BICRAL: variants seen among roughly 807,000 people sequenced by gnomAD.
BICRAL encodes the protein BICRA like chromatin remodeling complex associated protein.
In BICRAL, 8 loss-of-function variants were observed where a neutral mutation model predicts 91.8. The observed-to-expected ratio is 0.09, with a 90% CI of 0.05 to 0.16. The LOEUF (loss-of-function observed/expected upper bound fraction) is 0.16, where lower values mean the gene tolerates loss of function less well. BICRAL is among the 10% of genes least tolerant of loss of function. The pLI is 1.00. For missense variants in BICRAL, 1,038 were observed against 1,310.9 expected, an observed-to-expected ratio of 0.79 and a Z score of 3.21; for synonymous variants, 445 against 491.1, an observed-to-expected ratio of 0.91 and a Z score of 1.24.
intron 1 of BICRAL, among the ~76,000 whole-genome samples, chr6:42,775,714 G>A (rs1762799071): frequency 6.6e-6 from 1 of 152,064 alleles, no homozygotes; most frequent in Non-Finnish European, 1.5e-5. Context: ...TCCTTGTACT[G>A]AAAGCTTGTA....
Position 42,844,557 on chromosome 6 carries a change from A to AG in BICRAL, c.1840-7534dup, listed in dbSNP as rs71305781. ...AAAAAAAAAAAAAAGAGGGTGTTGC[A>AG]GAAAGAAGATCCACAGAGTGATGCA... is the stretch of plus-strand genomic sequence containing the variant. On this transcript the variant is annotated intron_variant, in intron 6 of 12. Coordinates refer to ENST00000314073, the MANE Select transcript of BICRAL (RefSeq NM_001393499.1). Among the ~76,000 whole-genome samples, 4 of 80,412 alleles carry AG rather than the reference A, an allele frequency of 5.0e-5. 1 individual carries two copies. Among genetic ancestry groups the AG allele is most frequent in the African/African-American group, 1.5e-4 (4 of 25,976 alleles). The allele number at this position is 80,412 out of a possible 152,430, so 52.8% of individuals were successfully genotyped here.
chr6:42,815,807 G>T (rs1274384761), intron 2 of BICRAL, among the ~76,000 whole-genome samples: 1 of 150,910 alleles, frequency 6.6e-6, no homozygotes, highest in East Asian at 2.0e-4. Flanking sequence ...GACCAACGTG[G>T]AGAAACCCTG....
chr6:42,752,466 T>C (rs1228896988), intron 1 of BICRAL, among the ~76,000 whole-genome samples: 1 of 152,192 alleles, frequency 6.6e-6, no homozygotes, highest in East Asian at 1.9e-4. Context: ...CTTTGCTTGC[T>C]GAGACTGGGT....
chr6:42,796,426 A>C (rs1763414991), intron 1 of BICRAL, among the ~76,000 whole-genome samples: 1 of 152,210 alleles, frequency 6.6e-6, no homozygotes. Context: ...TAGAATCAAA[A>C]GGGATCAGAG....
At chr6:42,828,199 G>A (rs185379330) in intron 5 of BICRAL, among the ~76,000 whole-genome samples, 52 of 151,960 alleles carry the variant, frequency 3.4e-4, no homozygotes, top group African/African-American at 1.1e-3. Context: ...AGATCATGAG[G>A]TCAGGAGATT....
intron 6 of BICRAL, among the ~76,000 whole-genome samples, chr6:42,834,037 A>G (rs546686620): frequency 6.6e-5 from 10 of 151,846 alleles, no homozygotes; most frequent in Non-Finnish European, 1.5e-4. Context: ...TATTTTTGGT[A>G]GAGACGTGGT....
intron 1 of BICRAL, among the ~76,000 whole-genome samples, chr6:42,807,568 C>CT (rs1562471477): frequency 6.6e-6 from 1 of 151,286 alleles, no homozygotes; most frequent in African/African-American, 2.4e-5. Context: ...GATACAGATT[C>CT]TTTTTTTAAA....
chr6:42,779,223 A>AACACAC (rs57493144), upstream of BICRAL, among the ~76,000 whole-genome samples: 1,207 of 132,498 alleles, frequency 9.1e-3, 5 homozygotes, highest in Middle Eastern at 0.025. Flanking sequence ...TCTCAAGAAA[A>AACACAC]ACACACACAC....
upstream of BICRAL, among the ~76,000 whole-genome samples, chr6:42,777,791 A>G (rs551419930): frequency 9.7e-4 from 147 of 152,000 alleles, no homozygotes; most frequent in Admixed American, 4.5e-3. Flanking sequence ...CTTTTTTTTT[A>G]CTGTCCAGTT....
intron 6 of BICRAL, among the ~76,000 whole-genome samples, chr6:42,845,829 C>T (rs1256705086): frequency 6.6e-6 from 1 of 150,948 alleles, no homozygotes; most frequent in African/African-American, 2.4e-5. Context: ...TTTGGGAGGC[C>T]GAGGTGGGTG....
intron 1 of BICRAL, among the ~76,000 whole-genome samples, chr6:42,786,319 C>G (rs1414291984): frequency 6.6e-6 from 1 of 152,154 alleles, no homozygotes; most frequent in Non-Finnish European, 1.5e-5. Context: ...TGTTGGATAC[C>G]TCTGTGCAGT....
At chr6:42,784,625 A>G (rs1018065019) in intron 1 of BICRAL, among the ~76,000 whole-genome samples, 1 of 152,256 alleles carries the variant, frequency 6.6e-6, no homozygotes, top group African/African-American at 2.4e-5. Context: ...ACTAACGTTC[A>G]TAGAAGTATA....
rs149667095 is a variant in BICRAL, at chr6:42,837,418, A to C, written c.1839+7246A>C. On this transcript the variant is annotated intron_variant, in intron 6 of 12. Transcript: ENST00000314073. ...AACTATGTTTTTAAATATAAATATAATATTGTTTTTAATATAGATAATACA... is the reference window on the plus strand; with the variant it reads ...AACTATGTTTTTAAATATAAATATACTATTGTTTTTAATATAGATAATACA... Among the ~76,000 whole-genome samples, 10 of 152,102 alleles carry C rather than the reference A, an allele frequency of 6.6e-5. No homozygotes were observed. The East Asian group carries it at 1.7e-3, about 26-fold the overall frequency.
intron 12 of BICRAL, among the ~76,000 whole-genome samples, chr6:42,864,009 C>A (rs1489981040): frequency 1.3e-5 from 2 of 151,682 alleles, no homozygotes; most frequent in African/African-American, 4.8e-5. Flanking sequence ...ACTAAAAATA[C>A]AAAAAAAATT....
chr6:42,749,680 AAAT>A (rs569375198), intron 1 of BICRAL, among the ~76,000 whole-genome samples: 121 of 152,246 alleles, frequency 7.9e-4, no homozygotes, highest in African/African-American at 2.4e-3. Context: ...ATATCAATAA[AAAT>A]AATAATAACT....
chr6:42,820,450 G>C (rs1764106127), intron 2 of BICRAL, among the ~76,000 whole-genome samples: 2 of 152,134 alleles, frequency 1.3e-5, no homozygotes, highest in Non-Finnish European at 2.9e-5. Flanking sequence ...ATGGTATGCT[G>C]ATGAGCCATG....
intron 10 of BICRAL, among the ~76,000 whole-genome samples, chr6:42,858,532 A>G (rs191408319): frequency 0.012 from 1,659 of 144,138 alleles, 23 homozygotes; most frequent in African/African-American, 0.04. Flanking sequence ...AAAAAAAAAA[A>G]AAAGGCTGGG....
chr6:42,862,779 T>A (rs1765593884), intron 12 of BICRAL, among the ~76,000 whole-genome samples, 167 bp downstream of exon 12: 1 of 152,176 alleles, frequency 6.6e-6, no homozygotes, highest in Admixed American at 6.6e-5. Flanking sequence ...TCTACTTCCT[T>A]CTCCTCTTTG....
chr6:42,781,533 G>T (rs1315659688), upstream of BICRAL, among the ~76,000 whole-genome samples: 1 of 83,660 alleles, frequency 1.2e-5, no homozygotes. Context: ...ATCTTGTAGG[G>T]TTTTTTTTTT....
Sources: allele counts gnomAD v4.1 joint callset (sites outside exome capture counted in the v4.1 genomes callset), GRCh38; gene constraint gnomAD v4.1.1; transcripts MANE v1.5; gene names NCBI Gene and HGNC (gene_info 2026-07-23, HGNC 2026-07-21).